PALLD: variants seen among roughly 807,000 people sequenced by gnomAD.
The protein encoded by PALLD is palladin, cytoskeletal associated protein.
A neutral mutation model predicts 123.5 loss-of-function variants in PALLD; 61 were observed. That is an observed-to-expected ratio of 0.49 (90% CI 0.40 to 0.61). PALLD has a LOEUF of 0.61. Among genes scored for constraint, PALLD ranks in the 20% least tolerant of loss-of-function variants. The pLI, the probability that PALLD is intolerant of heterozygous loss-of-function variation, is 0.00. For synonymous variants in PALLD, 465 were observed against 496.4 expected (o/e 0.94, Z 0.84); for missense variants, 1,273 against 1,377.0 (o/e 0.92, Z 1.20).
rs1367251349 is a variant in PALLD at position 168,610,035 on chromosome 4, G to A, written c.909-58155G>A. 2.6e-5 allele frequency among the ~76,000 whole-genome samples: 4 copies of A among 152,042 alleles called. No homozygotes were observed. The East Asian group carries it at 7.7e-4, about 29-fold the overall frequency. On this transcript the variant is annotated intron_variant, in intron 2 of 21. Transcript: ENST00000505667. ...GTCATTCGATCCATTTATGATATTTGTTCCAATGCATATATTTTTCTACTT... is the reference window on the plus strand; with the variant it reads ...GTCATTCGATCCATTTATGATATTTATTCCAATGCATATATTTTTCTACTT...
chr4:168,574,463 T>C (rs965518173), intron 2 of PALLD, among the ~76,000 whole-genome samples: 1 of 152,172 alleles, frequency 6.6e-6, no homozygotes, highest in African/African-American at 2.4e-5. Context: ...CCAGTTATAA[T>C]AAATGATCAT....
intron 10 of PALLD, among the ~76,000 whole-genome samples, chr4:168,750,093 A>C (rs1581263949): frequency 6.6e-6 from 1 of 151,924 alleles, no homozygotes; most frequent in Non-Finnish European, 1.5e-5. Flanking sequence ...GATTACAGGC[A>C]CCTGCCACCA....
Position 168,895,934 on chromosome 4 carries a change from C to T in PALLD, c.2200-615C>T, listed in dbSNP as rs369600104. ...AGTTGAAAGTGCATTTAAGGCGGGGCGCAGTGGCTTACGCCTGTGATCCCA... is the reference window on the plus strand; with the variant it reads ...AGTTGAAAGTGCATTTAAGGCGGGGTGCAGTGGCTTACGCCTGTGATCCCA... On this transcript the variant is annotated intron_variant, in intron 12 of 21. Coordinates refer to ENST00000505667, the MANE Select transcript of PALLD (RefSeq NM_001166108.2). Among the ~76,000 whole-genome samples, 21 of 152,264 alleles carry T rather than the reference C, an allele frequency of 1.4e-4. No homozygotes were observed. The East Asian group carries it at 1.7e-3, about 13-fold the overall frequency.
At chr4:168,759,236 TATATATATAG>T (rs1561490889) in intron 10 of PALLD, among the ~76,000 whole-genome samples, 4 of 109,450 alleles carry the variant, frequency 3.7e-5, no homozygotes, top group African/African-American at 1.5e-4. Flanking sequence ...TATATATATA[TATATATATAG>T]AAACAATATA....
At chr4:168,710,299 TTTTTA>T (rs1784712822) in intron 9 of PALLD, among the ~76,000 whole-genome samples, 1 of 152,156 alleles carries the variant, frequency 6.6e-6, no homozygotes. Flanking sequence ...TTTTCTTTTC[TTTTTA>T]TTTGTCTGTT....
chr4:168,612,338 T>A (rs574786935), intron 2 of PALLD, among the ~76,000 whole-genome samples: 1 of 151,552 alleles, frequency 6.6e-6, no homozygotes, highest in Non-Finnish European at 1.5e-5. Flanking sequence ...ATATATCACA[T>A]CCCCATGTGG....
rs190569539 is a variant in PALLD, at chr4:168,774,863, G to A, written c.1964+62940G>A. Among the ~76,000 whole-genome samples, 777 of 150,168 alleles carry A rather than the reference G, an allele frequency of 5.2e-3. 8 individuals are homozygous for A. Among genetic ancestry groups the A allele is most frequent in the African/African-American group, 0.018 (743 of 40,768 alleles). ...ATCTGTTTTCTGTCACTATATATTT[G>A]TCTTCATTTTCTAAGGTTTTATATA... On this transcript the variant is annotated intron_variant, in intron 10 of 21. Transcript: ENST00000505667.
At chr4:168,637,863 GA>G (rs1776504357) in intron 2 of PALLD, among the ~76,000 whole-genome samples, 1 of 136,076 alleles carries the variant, frequency 7.3e-6, no homozygotes, top group South Asian at 2.4e-4. Flanking sequence ...AGAATTGCTT[GA>G]AACTGGGAGG....
intron 3 of PALLD, among the ~76,000 whole-genome samples, chr4:168,670,718 C>T (rs1392806310): frequency 3.3e-4 from 44 of 133,280 alleles, no homozygotes; most frequent in African/African-American, 1.1e-3. Flanking sequence ...CTGGCCTGGG[C>T]GACAGAGCGA....
intron 20 of PALLD, 57 bp downstream of exon 20, chr4:168,925,135 G>C: frequency 6.3e-7 from 1 of 1,599,414 alleles, no homozygotes; most frequent in Non-Finnish European, 8.6e-7. Flanking sequence ...TGAAAAATTA[G>C]ACATCTGGAC....
intron 2 of PALLD, among the ~76,000 whole-genome samples, chr4:168,636,750 T>C (rs1316773837): frequency 6.6e-6 from 1 of 152,122 alleles, no homozygotes; most frequent in Non-Finnish European, 1.5e-5. Flanking sequence ...GAAAAGAAAA[T>C]ATCAGCCCTT....
intron 10 of PALLD, among the ~76,000 whole-genome samples, chr4:168,730,465 A>G (rs1398259643): frequency 1.3e-5 from 2 of 151,460 alleles, no homozygotes; most frequent in Non-Finnish European, 2.9e-5. Flanking sequence ...CATTGTCTCT[A>G]TTTCTTAAAA....
At chr4:168,861,012 C>G (rs1459803746) in intron 10 of PALLD, among the ~76,000 whole-genome samples, 1 of 152,142 alleles carries the variant, frequency 6.6e-6, no homozygotes, top group Non-Finnish European at 1.5e-5. Context: ...CATCTTTCCC[C>G]CAGGATACCA....
chr4:168,767,808 A>G (rs1428127737), intron 10 of PALLD, among the ~76,000 whole-genome samples: 4 of 152,196 alleles, frequency 2.6e-5, no homozygotes, highest in Non-Finnish European at 5.9e-5. Context: ...CGGCCGCCCA[A>G]AGTGCTGGGA....
chr4:168,670,681 C>T lies in PALLD; in HGVS notation c.1087+2313C>T, dbSNP rs545898214. 2.6e-3 allele frequency among the ~76,000 whole-genome samples: 367 copies of T among 143,344 alleles called. 4 individuals carry two copies. The highest frequency in any genetic ancestry group is 8.0e-3 in the African/African-American group (302 of 37,746). The allele number at this position is 143,344 out of a possible 152,430, so 94.0% of individuals were successfully genotyped here. On this transcript the variant is annotated intron_variant, in intron 3 of 21. Transcript: ENST00000505667. ...CCGGGAAGCGGAGCTTGCAGTGAGCCGAGATTGCGCCACTGCAGTCCGCAG... is the reference window on the plus strand; with the variant it reads ...CCGGGAAGCGGAGCTTGCAGTGAGCTGAGATTGCGCCACTGCAGTCCGCAG...
intron 2 of PALLD, among the ~76,000 whole-genome samples, chr4:168,617,933 C>T (rs778145447): frequency 3.7e-4 from 57 of 152,164 alleles, no homozygotes; most frequent in Non-Finnish European, 7.5e-4. Flanking sequence ...GAAATAAATA[C>T]TGTAAGCAGT....
intron 10 of PALLD, among the ~76,000 whole-genome samples, chr4:168,778,801 C>G (rs1482531380): frequency 6.6e-6 from 1 of 152,180 alleles, no homozygotes; most frequent in Non-Finnish European, 1.5e-5. Flanking sequence ...AGCATTTGAA[C>G]CCAAGCAGTC....
intron 10 of PALLD, among the ~76,000 whole-genome samples, chr4:168,856,356 G>A (rs1748607032): frequency 2.6e-5 from 4 of 152,122 alleles, no homozygotes; most frequent in Admixed American, 2.6e-4. Flanking sequence ...TTTTCCTTTA[G>A]GTATATACCC....
chr4:168,538,608 G>A (rs765307905), intron 2 of PALLD, among the ~76,000 whole-genome samples: 1 of 151,902 alleles, frequency 6.6e-6, no homozygotes, highest in East Asian at 1.9e-4. Context: ...AGACACAATT[G>A]TACAAAGCTG....
Sources: allele counts gnomAD v4.1 joint callset (sites outside exome capture counted in the v4.1 genomes callset), GRCh38; gene constraint gnomAD v4.1.1; transcripts MANE v1.5; gene names NCBI Gene and HGNC (gene_info 2026-07-23, HGNC 2026-07-21).